GYG1: variants seen among roughly 807,000 people sequenced by gnomAD.
GYG1 encodes the protein glycogenin 1, also known as glycogenin-1.
Under a neutral mutation model 41.9 loss-of-function variants are expected in GYG1, and 44 were observed. That is an observed-to-expected ratio of 1.05 (90% CI 0.83 to 1.35). The LOEUF is 1.35. Ranked by LOEUF, GYG1 falls within the 40% of genes most tolerant of loss-of-function variation. The probability of loss-of-function intolerance (pLI) is 0.00; values close to 1 mark genes in which losing one functional copy is unlikely to be tolerated. For missense variants in GYG1, 429 were observed against 418.9 expected (o/e 1.02, Z -0.21); for synonymous variants, 141 against 158.1 (o/e 0.89, Z 0.81).
At chr3:149,023,030 T>C (rs1714454292) in intron 5 of GYG1, among the ~76,000 whole-genome samples, 1 of 152,130 alleles carries the variant, frequency 6.6e-6, no homozygotes, top group South Asian at 2.1e-4. Flanking sequence ...TTCTTACATA[T>C]ATGTTGGTGG....
chr3:149,009,885 G>A (rs1294144906), intron 5 of GYG1, among the ~76,000 whole-genome samples: 1 of 152,194 alleles, frequency 6.6e-6, no homozygotes, highest in Non-Finnish European at 1.5e-5. Context: ...GGGCTCTGGA[G>A]CTGGATGACC....
intron 5 of GYG1, among the ~76,000 whole-genome samples, chr3:149,012,951 G>T (rs1230655698): frequency 6.6e-6 from 1 of 151,430 alleles, no homozygotes; most frequent in African/African-American, 2.4e-5. Flanking sequence ...TCAGCCTCCT[G>T]ATGAGTAGCT....
chr3:148,996,023 A>G (rs1712762006), intron 2 of GYG1, among the ~76,000 whole-genome samples: 1 of 152,214 alleles, frequency 6.6e-6, no homozygotes, highest in African/African-American at 2.4e-5. Flanking sequence ...AATAAAATAC[A>G]AAAACCCAGA....
Position 148,996,346 on chromosome 3 carries a change from T to TC in GYG1, c.189dup (p.Asp65GlyfsTer48). The TC allele has an allele frequency of 6.2e-7, 1 of 1,611,712 alleles. No individual in the cohort carries two copies. The highest frequency in any genetic ancestry group is 8.5e-7 in the Non-Finnish European group (1 of 1,179,178). On this transcript the variant is annotated frameshift_variant, in exon 3 of 8. Coordinates refer to ENST00000345003, the MANE Select transcript of GYG1 (RefSeq NM_004130.4). LOFTEE classifies it high-confidence loss of function. ...TTTGATGAAGTCATCATGGTAGATGTCTTGGACAGTGGCGATTCTGCTCAT... is the reference window on the plus strand; with the variant it reads ...TTTGATGAAGTCATCATGGTAGATGTCCTTGGACAGTGGCGATTCTGCTCAT...
intron 1 of GYG1, among the ~76,000 whole-genome samples, chr3:148,993,223 C>A (rs1260475454): frequency 6.8e-6 from 1 of 147,578 alleles, no homozygotes; most frequent in Non-Finnish European, 1.5e-5. Context: ...AGGGTGGGGA[C>A]TGTTCAGCAG....
chr3:149,001,191 C>T (rs1331935582), intron 4 of GYG1: 1 of 152,174 alleles, frequency 6.6e-6, no homozygotes, highest in Non-Finnish European at 1.5e-5. Flanking sequence ...TAGGTCAGCC[C>T]GGACAGTTAT....
chr3:149,000,966 T>G (rs1220941231), intron 4 of GYG1: 1 of 152,240 alleles, frequency 6.6e-6, no homozygotes, highest in Non-Finnish European at 1.5e-5. Context: ...CAGTAATGTT[T>G]TAAAATAATG....
rs150420606 is a variant in GYG1 at position 149,009,338 on chromosome 3, C to T, written c.544C>T (p.His182Tyr). ...CTGGGCAACAACAGATATCAGAAAACACCTGCCGTTTATTTATAACCTAAG... is the reference window on the plus strand; with the variant it reads ...CTGGGCAACAACAGATATCAGAAAATACCTGCCGTTTATTTATAACCTAAG... Reference protein sequence around the residue: ...SSWATTDIRKHLPFIYNLSSI... With the variant: ...SSWATTDIRKYLPFIYNLSSI... Residue 182 changes from histidine to tyrosine, a missense_variant, in exon 5 of 8, where the codon CAC becomes TAC. Physicochemically the swap from His to Tyr is moderately conservative, Grantham distance 83 (BLOSUM62 2). Coordinates refer to ENST00000345003, the MANE Select transcript of GYG1 (RefSeq NM_004130.4). 1.2e-6 allele frequency: 2 copies of T among 1,612,334 alleles called. No individual in the cohort carries two copies. Among genetic ancestry groups the T allele is most frequent in the South Asian group, 1.1e-5 (1 of 91,034 alleles).
At position 149,030,181 on chromosome 3, in the gene GYG1, A is replaced by ATTGT. The variant is rs1714881935; in HGVS notation, c.*3252_*3255dup. 1 of 152,198 alleles carries ATTGT rather than the reference A, an allele frequency of 6.6e-6. No individual in the cohort carries two copies. Among genetic ancestry groups the ATTGT allele is most frequent in the African/African-American group, 2.4e-5 (1 of 41,456 alleles). The allele number at this position is 152,198 out of a possible 1,614,324, so 9.4% of individuals were successfully genotyped here. A position where few individuals can be genotyped will look rare whatever the true frequency, so the allele number is the denominator to read the frequency against. On this transcript the variant is annotated 3_prime_UTR_variant, in exon 8 of 8. Coordinates refer to ENST00000345003, the MANE Select transcript of GYG1 (RefSeq NM_004130.4). ...TTTAAAATCCAGTTTTAACCACAAA[A>ATTGT]TTGTTTGAATCACAAGTGGTAATAC... is the stretch of plus-strand genomic sequence containing the variant.
intron 2 of GYG1, among the ~76,000 whole-genome samples, chr3:148,994,615 G>A (rs1712685393): frequency 6.6e-6 from 1 of 152,118 alleles, no homozygotes; most frequent in Non-Finnish European, 1.5e-5. Flanking sequence ...CCTTTACACA[G>A]TCACAATTCA....
chr3:149,019,820 G>A (rs1385658856), intron 5 of GYG1, among the ~76,000 whole-genome samples: 1 of 152,250 alleles, frequency 6.6e-6, no homozygotes, highest in Non-Finnish European at 1.5e-5. Context: ...CAGGCCATAT[G>A]GAGAGGTATT....
rs531172630 is a variant in GYG1, at chr3:149,023,483, G to A, written c.609-570G>A. ...GTATATGCTTAGGAGCTGAGCTGCT[G>A]GATTGTACAGCATGAGCATTTTTAA... On this transcript the variant is annotated intron_variant, in intron 5 of 7. Transcript: ENST00000345003. 9.8e-4 allele frequency among the ~76,000 whole-genome samples: 149 copies of A among 152,272 alleles called. 2 individuals carry two copies. The highest frequency in any genetic ancestry group is 3.5e-3 in the African/African-American group (146 of 41,536).
chr3:148,992,037 G>A (rs560888775), intron 1 of GYG1, among the ~76,000 whole-genome samples: 1 of 152,290 alleles, frequency 6.6e-6, no homozygotes, highest in Admixed American at 6.5e-5. Context: ...GTGGGGAGCT[G>A]CCCCGGCCTC....
At chr3:149,014,639 A>C (rs1356589207) in intron 5 of GYG1, among the ~76,000 whole-genome samples, 3 of 152,014 alleles carry the variant, frequency 2.0e-5, no homozygotes, top group Admixed American at 2.0e-4. Context: ...TGAGCCCAGG[A>C]GTTTGAGACC....
rs1714923777 is a variant in GYG1, at chr3:149,030,540, GTGT to G, written c.*3612_*3614del. On this transcript the variant is annotated 3_prime_UTR_variant, in exon 8 of 8. Coordinates refer to ENST00000345003, the MANE Select transcript of GYG1 (RefSeq NM_004130.4). ...TCTTTGTAAGCAGAAAGAGTAGACTGTGTTGTTTTTTGCCAAAAACTGTTTATA... is the reference window on the plus strand; with the variant it reads ...TCTTTGTAAGCAGAAAGAGTAGACTGTGTTTTTTGCCAAAAACTGTTTATA... 1 of 152,194 alleles carries G rather than the reference GTGT, an allele frequency of 6.6e-6. No individual in the cohort carries two copies. Among genetic ancestry groups the G allele is most frequent in the African/African-American group, 2.4e-5 (1 of 41,460 alleles). 9.4% of individuals were successfully genotyped at this position (152,194 alleles called of 1,614,324 possible). A position where few individuals can be genotyped will look rare whatever the true frequency, so the allele number is the denominator to read the frequency against.
chr3:148,998,665 C>T (rs138541294), intron 4 of GYG1, among the ~76,000 whole-genome samples: 6 of 152,296 alleles, frequency 3.9e-5, no homozygotes, highest in East Asian at 3.9e-4. Context: ...GAAACTTCTT[C>T]GCTTTACTGA....
intron 5 of GYG1, among the ~76,000 whole-genome samples, chr3:149,015,164 G>A (rs925504583): frequency 1.3e-5 from 2 of 152,170 alleles, no homozygotes; most frequent in Admixed American, 6.5e-5. Flanking sequence ...AAGCAAGTTC[G>A]TAGGGGTAGG....
Position 149,027,023 on chromosome 3 carries a change from C to A in GYG1, c.*90C>A. 2 of 1,364,920 alleles carry A rather than the reference C, an allele frequency of 1.5e-6. No individual in the cohort carries two copies. Among genetic ancestry groups the A allele is most frequent in the East Asian group, 2.3e-5 (1 of 43,744 alleles). The allele number at this position is 1,364,920 out of a possible 1,614,324, so 84.6% of individuals were successfully genotyped here. ...GAGCTGGGTTGAGAAAAGTCTGTTA[C>A]AGTTGCTAGAGGTTTTCATTAAAAC... On this transcript the variant is annotated 3_prime_UTR_variant, in exon 8 of 8. Transcript: ENST00000345003.
chr3:148,991,640 C>T lies in GYG1; in HGVS notation c.-1C>T. Reference sequence around the variant, plus strand: ...CGGCCGCCTGCGCACCCGGCAGCACCATGACAGGTACCGCCGCGCAGCCCG... The same window carrying T: ...CGGCCGCCTGCGCACCCGGCAGCACTATGACAGGTACCGCCGCGCAGCCCG... On this transcript the variant is annotated 5_prime_UTR_variant, in exon 1 of 8. Coordinates refer to ENST00000345003, the MANE Select transcript of GYG1 (RefSeq NM_004130.4). 1 of 1,549,892 alleles carries T rather than the reference C, an allele frequency of 6.5e-7. No homozygotes were observed. Among genetic ancestry groups the T allele is most frequent in the Non-Finnish European group, 8.6e-7 (1 of 1,156,478 alleles).
Sources: gnomAD v4.1 joint callset for allele counts (sites outside exome capture counted in the v4.1 genomes callset) on GRCh38, gnomAD v4.1.1 for gene constraint, MANE v1.5 for transcripts, NCBI Gene and HGNC (gene_info 2026-07-23, HGNC 2026-07-21) for gene names.